INTS3: variants seen among roughly 807,000 people sequenced by gnomAD.
The protein encoded by INTS3 is SOSS complex subunit A.
In INTS3, 34 loss-of-function variants were observed where a neutral mutation model predicts 146.3. The ratio of observed to expected loss-of-function variants is 0.23; its 90% CI spans 0.18 to 0.31. The LOEUF (loss-of-function observed/expected upper bound fraction) is 0.31. INTS3 is among the 10% of genes least tolerant of loss of function. The probability of loss-of-function intolerance (pLI) is 1.00; values close to 1 mark genes in which losing one functional copy is unlikely to be tolerated. For missense variants in INTS3, 757 were observed against 1,304.2 expected, an observed-to-expected ratio of 0.58 and a Z score of 6.46; for synonymous variants, 475 against 494.9, an observed-to-expected ratio of 0.96 and a Z score of 0.53.
chr1:153,746,887 G>A, intron 3 of INTS3, 70 bp from the exon 4 acceptor site: 1 of 847,350 alleles, frequency 1.2e-6, no homozygotes, highest in Non-Finnish European at 2.0e-6. Flanking sequence ...GAGGGCAAGG[G>A]GTCCACTGTG....
chr1:153,764,784 C>G (rs1222927133), intron 19 of INTS3, 50 bp downstream of exon 19: 1 of 1,524,584 alleles, frequency 6.6e-7, no homozygotes, highest in Middle Eastern at 1.7e-4. Flanking sequence ...TCCTCCCTGA[C>G]AGCACACACA....
chr1:153,734,088 T>C (rs1671196169), intron 1 of INTS3, among the ~76,000 whole-genome samples: 1 of 152,066 alleles, frequency 6.6e-6, no homozygotes, highest in South Asian at 2.1e-4. Flanking sequence ...CAGGTAGTCT[T>C]AGTATTAGAA....
intron 3 of INTS3, among the ~76,000 whole-genome samples, chr1:153,743,245 G>A (rs1671605161): frequency 6.6e-6 from 1 of 152,164 alleles, no homozygotes; most frequent in Non-Finnish European, 1.5e-5. Context: ...TAAAGCAATG[G>A]GACTGTTTTC....
chr1:153,740,927 G>A lies in INTS3; in HGVS notation c.234+193G>A, dbSNP rs977061990. 2.0e-5 allele frequency among the ~76,000 whole-genome samples: 3 copies of A among 152,214 alleles called. No homozygotes were observed. The South Asian group carries it at 6.2e-4, about 32-fold the overall frequency. On this transcript the variant is annotated intron_variant, in intron 2 of 29. Transcript: ENST00000318967. ...CTCTTGGAGCCTTGGGCATCTTTCA[G>A]TACAGCTTTTTATTTTTATAGCAAT...
chr1:153,767,517 C>CGATA (rs1300091722), intron 20 of INTS3, 157 bp from the exon 21 acceptor site: 2 of 622,338 alleles, frequency 3.2e-6, no homozygotes, highest in South Asian at 2.6e-5. Context: ...CCTGAGTTAT[C>CGATA]AAGCCCCTGT....
chr1:153,769,769 C>A lies in INTS3; in HGVS notation c.2314C>A (p.Leu772Ile). The A allele has an allele frequency of 6.2e-7, 1 of 1,610,762 alleles. No homozygotes were observed. The highest frequency in any genetic ancestry group is 8.5e-7 in the Non-Finnish European group (1 of 1,177,060). Residue 772 changes from leucine to isoleucine, a missense_variant and splice_region_variant, in exon 23 of 30, where the codon CTC (leucine) becomes ATC (isoleucine). By Grantham distance (5) the Leu-to-Ile change is conservative. This residue lies in a region of INTS3 where 116 missense variants were observed against 226.5 expected (regional missense o/e 0.51). Coordinates refer to ENST00000318967, the MANE Select transcript of INTS3 (RefSeq NM_023015.5). ...CTGCCTCCTTCCTCCACCTCCTTAG[C>A]TCCAGGAGCTGGTCTGCCACGTGAT... ...MIVAVIDSAQ[L>I]QELVCHVMMG...
At chr1:153,756,201 C>A (rs1199812930) in intron 9 of INTS3, among the ~76,000 whole-genome samples, 1 of 151,522 alleles carries the variant, frequency 6.6e-6, no homozygotes, top group Non-Finnish European at 1.5e-5. Flanking sequence ...ATGATGAAAC[C>A]GTGTCTCTAC....
chr1:153,746,069 A>G (rs2101796407), intron 3 of INTS3, among the ~76,000 whole-genome samples: 1 of 152,300 alleles, frequency 6.6e-6, no homozygotes, highest in East Asian at 1.9e-4. Context: ...TAAGACCCCA[A>G]GTATAAAAAA....
rs576696841 is a variant in INTS3 at position 153,750,276 on chromosome 1, G to A, written c.585-819G>A. Among the ~76,000 whole-genome samples the A allele has an allele frequency of 2.5e-4, 38 of 152,318 alleles. No individual in the cohort carries two copies. In the South Asian group the frequency reaches 7.0e-3, roughly 28 times the overall value. ...AAATTGTTTGCTGGGAGGAGACAGC[G>A]TCTCAATTTTGTCACTTAGAGACAG... On this transcript the variant is annotated intron_variant, in intron 6 of 29. Transcript: ENST00000318967.
rs567564863 is a variant in INTS3, at chr1:153,739,103, G to A, written c.151-1548G>A. 3.3e-5 allele frequency among the ~76,000 whole-genome samples: 5 copies of A among 151,602 alleles called. No homozygotes were observed. The East Asian group carries it at 7.8e-4, about 24-fold the overall frequency. On this transcript the variant is annotated intron_variant, in intron 1 of 29. Transcript: ENST00000318967. ...TTTTGAGACGGAGTCTCACTCTGTC[G>A]CCCAGGCTGGAGTGAAGTGGCATGA... is the stretch of plus-strand genomic sequence containing the variant.
At chr1:153,734,601 A>T (rs1671218547) in intron 1 of INTS3, among the ~76,000 whole-genome samples, 1 of 152,214 alleles carries the variant, frequency 6.6e-6, no homozygotes, top group African/African-American at 2.4e-5. Context: ...AGCAGAGCTC[A>T]CGGGAGCTAG....
intron 22 of INTS3, 70 bp downstream of exon 22, chr1:153,769,031 C>G: frequency 8.0e-7 from 1 of 1,250,434 alleles, no homozygotes; most frequent in Non-Finnish European, 1.2e-6. Context: ...CCTCTGCTCT[C>G]CCTCCAGGCC....
At chr1:153,731,889 G>A (rs1050524123) in intron 1 of INTS3, among the ~76,000 whole-genome samples, 3 of 135,282 alleles carry the variant, frequency 2.2e-5, no homozygotes, top group Non-Finnish European at 4.7e-5. Flanking sequence ...CTGGCCCCGC[G>A]TCTTTTTTTA....
Position 153,772,011 on chromosome 1 carries a change from G to T in INTS3, c.2720+48G>T. 6.8e-6 allele frequency: 10 copies of T among 1,468,240 alleles called. No individual in the cohort carries two copies. Among genetic ancestry groups the T allele is most frequent in the Non-Finnish European group, 9.3e-6 (10 of 1,072,160 alleles). The allele number at this position is 1,468,240 out of a possible 1,614,324, so 91.0% of individuals were successfully genotyped here. A position where few individuals can be genotyped will look rare whatever the true frequency, so the allele number is the denominator to read the frequency against. On this transcript the variant is annotated intron_variant, in intron 26 of 29. Transcript: ENST00000318967. The surrounding 1 kb of genome is among the most constrained non-coding windows in gnomAD (Gnocchi z 4.6). Reference sequence around the variant, plus strand: ...CCTCCAGGCCATGGCGGTCTGCAGTGATTGCTGTCGGTGGTGGTGGTGGTG... The same window carrying T: ...CCTCCAGGCCATGGCGGTCTGCAGTTATTGCTGTCGGTGGTGGTGGTGGTG...
At chr1:153,746,873 A>G (rs1007582383) in intron 3 of INTS3, 84 bp from the exon 4 acceptor site, 2 of 756,426 alleles carry the variant, frequency 2.6e-6, no homozygotes, top group African/African-American at 3.5e-5. Context: ...AGTTTAAGGG[A>G]TTAGAGGGCA....
chr1:153,763,150 G>T, intron 15 of INTS3, 83 bp from the exon 16 acceptor site: 1 of 1,558,624 alleles, frequency 6.4e-7, no homozygotes, highest in Non-Finnish European at 8.8e-7. Context: ...GGGCATGTGA[G>T]GAAGGGGATA....
At chr1:153,746,489 C>T (rs1192360137) in intron 3 of INTS3, among the ~76,000 whole-genome samples, 1 of 152,202 alleles carries the variant, frequency 6.6e-6, no homozygotes, top group Non-Finnish European at 1.5e-5. Flanking sequence ...CAAACTCCGC[C>T]TCCCGGGCTC....
chr1:153,741,958 C>T (rs192728133), intron 3 of INTS3, among the ~76,000 whole-genome samples: 1 of 152,264 alleles, frequency 6.6e-6, no homozygotes, highest in East Asian at 1.9e-4. Context: ...AAGTAGGTTC[C>T]CTCCTTGAGG....
chr1:153,756,702 A>C (rs1042401026), intron 9 of INTS3, among the ~76,000 whole-genome samples: 7 of 150,650 alleles, frequency 4.6e-5, no homozygotes, highest in Non-Finnish European at 1.0e-4. Context: ...TGTAATCCCA[A>C]CTACTTGGGA....
Sources: allele counts gnomAD v4.1 joint callset (sites outside exome capture counted in the v4.1 genomes callset), GRCh38; gene constraint gnomAD v4.1.1; regional missense constraint gnomAD v4.1.1; non-coding constraint Gnocchi (gnomAD v3.1); transcripts MANE v1.5; gene names NCBI Gene and HGNC (gene_info 2026-07-23, HGNC 2026-07-21).